The following CCDC194 variants were observed in gnomAD, a reference collection of about 807,000 sequenced individuals.
CCDC194 encodes the protein coiled-coil domain-containing protein 194.
In CCDC194, 8 loss-of-function variants were observed where a neutral mutation model predicts 4.9. That is an observed-to-expected ratio of 1.65 (90% CI 0.97 to 2.97). CCDC194 has a LOEUF of 2.97. Ranked by LOEUF, CCDC194 falls within the 30% of genes most tolerant of loss-of-function variation. The probability of loss-of-function intolerance (pLI) is 0.00; values close to 1 mark genes in which losing one functional copy is unlikely to be tolerated. For synonymous variants in CCDC194, 13 were observed against 17.0 expected, an observed-to-expected ratio of 0.76 and a Z score of 0.58; for missense variants, 52 against 43.1, an observed-to-expected ratio of 1.21 and a Z score of -0.58.
downstream of CCDC194, among the ~76,000 whole-genome samples, chr19:17,389,435 G>A (rs2074646468): frequency 6.6e-6 from 1 of 152,104 alleles, no homozygotes; most frequent in Non-Finnish European, 1.5e-5. Flanking sequence ...TCAACCTACA[G>A]ATTCTCTTCC....
Position 17,391,208 on chromosome 19 carries a change from C to T in CCDC194, c.554+3G>A, listed in dbSNP as rs1419727076. 2.5e-6 allele frequency: 1 copy of T among 400,134 alleles called. No homozygotes were observed. Among genetic ancestry groups the T allele is most frequent in the Non-Finnish European group, 4.4e-6 (1 of 227,374 alleles). The allele number at this position is 400,134 out of a possible 1,614,324, so 24.8% of individuals were successfully genotyped here. ...CCCGCCCTCGGGCCAGCCCCTCACT[C>T]ACAGGCGTTCGCGCAGCGCCGCCTC... On this transcript the variant is annotated splice_donor_region_variant and intron_variant, in intron 3 of 3. Transcript: ENST00000636079.
At chr19:17,391,871 G>A (rs933033123) in intron 1 of CCDC194, 25 bp from the exon 2 acceptor site, 52 of 1,488,296 alleles carry the variant, frequency 3.5e-5, no homozygotes, top group Non-Finnish European at 4.6e-5. Context: ...GGAAGTGGGA[G>A]GGGGTGTAGG....
downstream of CCDC194, among the ~76,000 whole-genome samples, chr19:17,388,094 G>T (rs1001368767): frequency 6.6e-6 from 1 of 151,186 alleles, no homozygotes; most frequent in Non-Finnish European, 1.5e-5. Context: ...CACCGTGTTA[G>T]CCAGGATGGT....
downstream of CCDC194, among the ~76,000 whole-genome samples, chr19:17,389,229 G>A (rs1241497736): frequency 6.6e-6 from 1 of 152,054 alleles, no homozygotes; most frequent in Non-Finnish European, 1.5e-5. Flanking sequence ...TTAAGGAGTT[G>A]GAGATTAATC....
chr19:17,390,779 C>T lies in CCDC194; in HGVS notation c.555-120G>A, dbSNP rs2074651241. 2.5e-6 allele frequency: 1 copy of T among 393,338 alleles called. No homozygotes were observed. Among genetic ancestry groups the T allele is most frequent in the Non-Finnish European group, 4.5e-6 (1 of 222,698 alleles). 24.4% of individuals were successfully genotyped at this position (393,338 alleles called of 1,614,324 possible). On this transcript the variant is annotated intron_variant, in intron 3 of 3. Coordinates refer to ENST00000636079, the Ensembl canonical transcript of CCDC194. This position sits in a 1 kb window ranked among gnomAD's most constrained non-coding sequence, Gnocchi z 5.5. Reference sequence around the variant, plus strand: ...TCCATCCCCAGAGATCCCCATCTCCCAGGGTTTCCCGCTCCCCAGGATCCG... The same window carrying T: ...TCCATCCCCAGAGATCCCCATCTCCTAGGGTTTCCCGCTCCCCAGGATCCG...
exon 1 of CCDC194, chr19:17,393,889 C>T (rs2074664244): frequency 5.0e-6 from 2 of 397,590 alleles, no homozygotes; most frequent in Admixed American, 8.8e-5. Context: ...GGATACTTTC[C>T]GCCTGGTCCA....
Position 17,390,826 on chromosome 19 carries a change from C to T in CCDC194, c.555-167G>A, listed in dbSNP as rs148132611. On this transcript the variant is annotated intron_variant, in intron 3 of 3. Transcript: ENST00000636079. This position sits in a 1 kb window ranked among gnomAD's most constrained non-coding sequence, Gnocchi z 5.5. ...TCCGGCATCCGTTCTCGACCCCCAG[C>T]CATTCCCGGGACGCCTCCCTAGAGA... Among the ~76,000 whole-genome samples, 6 of 152,216 alleles carry T rather than the reference C, an allele frequency of 3.9e-5. No homozygotes were observed. The highest frequency in any genetic ancestry group is 5.9e-5 in the Non-Finnish European group (4 of 68,002).
chr19:17,391,967 A>G, intron 1 of CCDC194, 121 bp from the exon 2 acceptor site: 1 of 971,364 alleles, frequency 1.0e-6, no homozygotes, highest in Non-Finnish European at 1.4e-6. Context: ...CTTTGTGTGG[A>G]ATGTCCTTTG....
chr19:17,391,625 TA>T (rs1472349680), intron 2 of CCDC194, 124 bp downstream of exon 2: 1 of 1,527,958 alleles, frequency 6.5e-7, no homozygotes, highest in Non-Finnish European at 8.7e-7. Flanking sequence ...ATTCTTTTCA[TA>T]AGTTTTTGCG....
At chr19:17,388,858 C>A (rs1163858806), downstream of CCDC194, among the ~76,000 whole-genome samples, 2 of 151,428 alleles carry the variant, frequency 1.3e-5, no homozygotes, top group Admixed American at 1.3e-4. Flanking sequence ...ATTTTTGAGA[C>A]CGGGTCTTGC....
At chr19:17,391,480 A>G in intron 2 of CCDC194, 137 bp from the exon 3 acceptor site, 1 of 674,746 alleles carries the variant, frequency 1.5e-6, no homozygotes, top group South Asian at 1.9e-5. Flanking sequence ...GTACCATTGC[A>G]TGGCTTCCAC....
At chr19:17,394,028 C>T (rs1381058380) in exon 1 of CCDC194, 3 of 389,492 alleles carry the variant, frequency 7.7e-6, no homozygotes, top group Non-Finnish European at 1.4e-5. Context: ...GCGAGGTCCC[C>T]GAGCAGCCGA....
chr19:17,392,090 A>C, intron 1 of CCDC194: 1 of 404,624 alleles, frequency 2.5e-6, no homozygotes, highest in Non-Finnish European at 4.4e-6. Context: ...ACCAACCCTA[A>C]GCCACCAGAA....
exon 2 of CCDC194, chr19:17,391,829 T>C (rs1265636464): frequency 8.5e-6 from 13 of 1,533,768 alleles, no homozygotes; most frequent in Non-Finnish European, 1.1e-5. Flanking sequence ...GTGTCGTTAG[T>C]TGGGTCTGAA....
intron 1 of CCDC194, among the ~76,000 whole-genome samples, chr19:17,392,980 C>T (rs1275129052): frequency 6.6e-6 from 1 of 152,156 alleles, no homozygotes; most frequent in African/African-American, 2.4e-5. Flanking sequence ...CTGCGCCCGG[C>T]CCCATTTTGA....
chr19:17,388,926 C>T (rs1000652647), downstream of CCDC194, among the ~76,000 whole-genome samples: 31 of 149,402 alleles, frequency 2.1e-4, no homozygotes, highest in African/African-American at 7.4e-4. Context: ...GCAAACTTGA[C>T]GTCCTGGGCT....
At chr19:17,391,517 T>A in intron 2 of CCDC194, 174 bp from the exon 3 acceptor site, 2 of 940,452 alleles carry the variant, frequency 2.1e-6, no homozygotes, top group Admixed American at 2.7e-5. Context: ...TTTTCATAGG[T>A]TTGCATTGCT....
intron 2 of CCDC194, 35 bp from the exon 3 acceptor site, chr19:17,391,378 T>TCCCCCCCCCCCC (rs2074654213): frequency 4.0e-6 from 2 of 501,578 alleles, no homozygotes; most frequent in Non-Finnish European, 7.0e-6. Context: ...GGCTGGAGAC[T>TCCCCCCCCCCCC]CCCGCGCCCA....
rs559873447 is a variant in CCDC194, at chr19:17,392,962, G to A, written c.324+873C>T. On this transcript the variant is annotated intron_variant, in intron 1 of 3. Coordinates refer to ENST00000636079, the Ensembl canonical transcript of CCDC194. ...TTCCAAAAGTGCTAGGATTACAGGC[G>A]TGAGCCACTGCGCCCGGCCCCATTT... Among the ~76,000 whole-genome samples the A allele has an allele frequency of 8.9e-4, 135 of 152,302 alleles. 1 individual carries two copies. The highest frequency in any genetic ancestry group is 5.8e-3 in the South Asian group (28 of 4,828).
Sources: gnomAD v4.1 joint callset for allele counts (sites outside exome capture counted in the v4.1 genomes callset) on GRCh38, gnomAD v4.1.1 for gene constraint, Gnocchi (gnomAD v3.1) non-coding constraint, MANE v1.5 for transcripts, NCBI Gene and HGNC (gene_info 2026-07-23, HGNC 2026-07-21) for gene names.